The following HCRTR2 variants were observed in gnomAD, a reference collection of about 807,000 sequenced individuals.
HCRTR2 encodes the protein orexin receptor type 2.
A neutral mutation model predicts 49.0 loss-of-function variants in HCRTR2; 22 were observed. The ratio of observed to expected loss-of-function variants is 0.45; its 90% CI spans 0.32 to 0.64. HCRTR2 has a LOEUF of 0.64. Ranked by LOEUF, HCRTR2 falls within the 30% of genes least tolerant of loss-of-function variation. HCRTR2 has a pLI of 0.04. For missense variants in HCRTR2, 491 were observed against 559.4 expected, an observed-to-expected ratio of 0.88 and a Z score of 1.23; for synonymous variants, 236 against 205.3, an observed-to-expected ratio of 1.15 and a Z score of -1.28.
At chr6:55,198,228 C>G (rs559840612) in intron 1 of HCRTR2, among the ~76,000 whole-genome samples, 38 of 152,196 alleles carry the variant, frequency 2.5e-4, no homozygotes, top group Non-Finnish European at 5.1e-4. Flanking sequence ...TACCCAAATC[C>G]CAATATTTAA....
chr6:55,109,563 G>C (rs1311931720), intron 1 of HCRTR2, among the ~76,000 whole-genome samples: 1 of 152,006 alleles, frequency 6.6e-6, no homozygotes, highest in Non-Finnish European at 1.5e-5. Context: ...CACACTTGTA[G>C]ACATGCAAAA....
chr6:55,268,723 T>C (rs140180922), intron 4 of HCRTR2, among the ~76,000 whole-genome samples: 2 of 151,962 alleles, frequency 1.3e-5, no homozygotes, highest in East Asian at 1.9e-4. Flanking sequence ...AAGCAAAAAG[T>C]AGTAGAATTA....
Position 55,118,962 on chromosome 6 carries a change from AGT to A in HCRTR2, c.-378+12423_-378+12424del, listed in dbSNP as rs201890951. Among the ~76,000 whole-genome samples, 734 of 151,682 alleles carry A rather than the reference AGT, an allele frequency of 4.8e-3. 5 individuals are homozygous for A. Among genetic ancestry groups the A allele is most frequent in the African/African-American group, 0.016 (677 of 41,390 alleles). ...ATCCCCCAACCCCCTAACAGGCTCC[AGT>A]GTGTGATGTTTCCCTCCCTGTGTTC... On this transcript the variant is annotated intron_variant, in intron 1 of 7. Transcript: ENST00000615358.
At chr6:55,213,039 C>T (rs187479065) in intron 1 of HCRTR2, among the ~76,000 whole-genome samples, 2 of 151,694 alleles carry the variant, frequency 1.3e-5, no homozygotes, top group African/African-American at 4.8e-5. Flanking sequence ...CAGGGTGACT[C>T]TCAAGGGCGA....
intron 1 of HCRTR2, among the ~76,000 whole-genome samples, chr6:55,145,815 C>A (rs1764573616): frequency 1.3e-5 from 2 of 151,970 alleles, no homozygotes; most frequent in Admixed American, 1.3e-4. Flanking sequence ...TATAACACTT[C>A]TTACTTATTT....
In HCRTR2 at chr6:55,116,932, T is replaced by C. The variant is rs1035862513; in HGVS notation, c.-378+10387T>C. ...TCCTTGCTAAACGTGCTTTCCTCAC[T>C]CATTAGAGATTGGACATTAAATAAA... On this transcript the variant is annotated intron_variant, in intron 1 of 7. Transcript: ENST00000615358. Among the ~76,000 whole-genome samples the C allele has an allele frequency of 8.8e-4, 133 of 151,816 alleles. 1 individual carries two copies. Among genetic ancestry groups the C allele is most frequent in the African/African-American group, 3.1e-3 (128 of 41,486 alleles).
At chr6:55,196,298 C>T (rs1259947267) in intron 1 of HCRTR2, among the ~76,000 whole-genome samples, 1 of 150,560 alleles carries the variant, frequency 6.6e-6, no homozygotes. Flanking sequence ...CTGACCTTCT[C>T]CCATCCCCCA....
chr6:55,248,625 T>C lies in HCRTR2; in HGVS notation c.224-14T>C, dbSNP rs749794481. On this transcript the variant is annotated splice_polypyrimidine_tract_variant and intron_variant, in intron 1 of 6. Transcript: ENST00000370862. Reference sequence around the variant, plus strand: ...TCTTTGTTGAGTGCCTATTCCTTTTTCTTTTCAAATTAGTTTGTGTGGCAG... The same window carrying C: ...TCTTTGTTGAGTGCCTATTCCTTTTCCTTTTCAAATTAGTTTGTGTGGCAG... 3 of 1,609,578 alleles carry C rather than the reference T, an allele frequency of 1.9e-6. No individual in the cohort carries two copies. Among genetic ancestry groups the C allele is most frequent in the East Asian group, 4.5e-5 (2 of 44,858 alleles).
chr6:55,159,525 G>A (rs765667975), intron 1 of HCRTR2, among the ~76,000 whole-genome samples: 7 of 151,988 alleles, frequency 4.6e-5, no homozygotes, highest in African/African-American at 1.2e-4. Flanking sequence ...GAAAAGGTGG[G>A]TAATAAACTC....
At chr6:55,209,709 A>G (rs1271832811) in intron 1 of HCRTR2, among the ~76,000 whole-genome samples, 1 of 152,168 alleles carries the variant, frequency 6.6e-6, no homozygotes, top group Non-Finnish European at 1.5e-5. Flanking sequence ...GTTTTTGTAA[A>G]TCTTACCACT....
chr6:55,116,274 A>G (rs936034852), intron 1 of HCRTR2, among the ~76,000 whole-genome samples: 1 of 151,798 alleles, frequency 6.6e-6, no homozygotes, highest in African/African-American at 2.4e-5. Context: ...ACTGGCATGT[A>G]TGAGACTTAA....
chr6:55,179,500 G>T (rs1765095282), intron 1 of HCRTR2, among the ~76,000 whole-genome samples: 1 of 151,976 alleles, frequency 6.6e-6, no homozygotes, highest in South Asian at 2.1e-4. Flanking sequence ...TTATATCTTT[G>T]ACTTAAAATC....
chr6:55,267,227 C>T (rs1490115512), intron 4 of HCRTR2, among the ~76,000 whole-genome samples: 2 of 152,102 alleles, frequency 1.3e-5, no homozygotes, highest in African/African-American at 4.8e-5. Flanking sequence ...AGAGCTTGTC[C>T]TATTTGCTTA....
At chr6:55,202,357 T>G (rs959806092) in intron 1 of HCRTR2, among the ~76,000 whole-genome samples, 1 of 152,216 alleles carries the variant, frequency 6.6e-6, no homozygotes, top group Non-Finnish European at 1.5e-5. Context: ...AAATACAACC[T>G]ATGCTCTCTT....
intron 1 of HCRTR2, among the ~76,000 whole-genome samples, chr6:55,132,507 G>A (rs529743478): frequency 1.3e-5 from 2 of 152,034 alleles, no homozygotes; most frequent in South Asian, 2.1e-4. Context: ...AGCATTAGAT[G>A]TTACACAATT....
chr6:55,200,878 T>A (rs1386963755), intron 1 of HCRTR2, among the ~76,000 whole-genome samples: 1 of 152,194 alleles, frequency 6.6e-6, no homozygotes, highest in Non-Finnish European at 1.5e-5. Flanking sequence ...ATTTCAATAT[T>A]CAATTATAGT....
chr6:55,256,282 T>C (rs1234323706), intron 3 of HCRTR2, among the ~76,000 whole-genome samples: 2 of 152,160 alleles, frequency 1.3e-5, no homozygotes, highest in African/African-American at 4.8e-5. Flanking sequence ...AGAATTCATA[T>C]GTTAACATTG....
intron 4 of HCRTR2, among the ~76,000 whole-genome samples, chr6:55,266,568 T>A (rs1328531461): frequency 6.6e-6 from 1 of 152,174 alleles, no homozygotes; most frequent in Non-Finnish European, 1.5e-5. Context: ...TTGGGGAATG[T>A]TCAGTGTTAA....
intron 1 of HCRTR2, among the ~76,000 whole-genome samples, chr6:55,166,747 A>C (rs1764882844): frequency 6.6e-6 from 1 of 152,298 alleles, no homozygotes; most frequent in East Asian, 1.9e-4. Context: ...AAAAACTTGT[A>C]CAAGAACAGT....
Sources: allele counts gnomAD v4.1 joint callset (sites outside exome capture counted in the v4.1 genomes callset), GRCh38; gene constraint gnomAD v4.1.1; transcripts MANE v1.5; gene names NCBI Gene and HGNC (gene_info 2026-07-23, HGNC 2026-07-21).